CDH2: variants seen among roughly 807,000 people sequenced by gnomAD.
CDH2 encodes the protein cadherin 2.
In CDH2, 17 loss-of-function variants were observed where a neutral mutation model predicts 92.0. The ratio of observed to expected loss-of-function variants is 0.18; its 90% confidence interval spans 0.13 to 0.28. The LOEUF (loss-of-function observed/expected upper bound fraction) is 0.28, where lower values mean the gene tolerates loss of function less well. CDH2 is among the 10% of genes least tolerant of loss of function. The pLI is 1.00. For missense variants in CDH2, 862 were observed against 1,133.1 expected (o/e 0.76, Z 3.44); for synonymous variants, 419 against 415.9 (o/e 1.01, Z -0.09).
At chr18:27,945,023 C>T (rs999093281) in intron 6 of CDH2, among the ~76,000 whole-genome samples, 2 of 152,214 alleles carry the variant, frequency 1.3e-5, no homozygotes, top group Admixed American at 6.5e-5. Context: ...ATTTGTTGTA[C>T]TAGAAATTGA....
chr18:27,990,093 A>T lies in CDH2; in HGVS notation c.1598+4T>A. The T allele has an allele frequency of 6.2e-7, 1 of 1,612,588 alleles. No individual in the cohort carries two copies. The highest frequency in any genetic ancestry group is 1.1e-5 in the South Asian group (1 of 91,036). On this transcript the variant is annotated splice_donor_region_variant and intron_variant, in intron 10 of 15. Transcript: ENST00000269141. ...ACAAAAACACTACAAACAGCATTTC[A>T]TACCTAATATTTTGCTGCATATATC...
At chr18:28,020,377 T>C (rs1037367335) in intron 2 of CDH2, among the ~76,000 whole-genome samples, 1 of 152,092 alleles carries the variant, frequency 6.6e-6, no homozygotes, top group African/African-American at 2.4e-5. Flanking sequence ...AAATAGTACA[T>C]AGAAACGATG....
At chr18:28,112,861 T>A (rs1380114268) in intron 2 of CDH2, among the ~76,000 whole-genome samples, 1 of 152,142 alleles carries the variant, frequency 6.6e-6, no homozygotes, top group Non-Finnish European at 1.5e-5. Context: ...TGCAAGAGTG[T>A]ATCCTAATTC....
intron 14 of CDH2, among the ~76,000 whole-genome samples, chr18:27,978,482 G>A (rs1020982763): frequency 3.9e-5 from 6 of 152,000 alleles, no homozygotes; most frequent in Non-Finnish European, 7.4e-5. Context: ...AAGGGGTGCT[G>A]GATATTCATA....
At chr18:28,049,055 T>C (rs1278413751) in intron 2 of CDH2, among the ~76,000 whole-genome samples, 4 of 152,140 alleles carry the variant, frequency 2.6e-5, no homozygotes, top group Non-Finnish European at 5.9e-5. Flanking sequence ...CTCCCAGTTA[T>C]TGTACATTTG....
chr18:27,972,293 T>C (rs1045536395), intron 14 of CDH2, among the ~76,000 whole-genome samples: 4 of 152,218 alleles, frequency 2.6e-5, no homozygotes, highest in Admixed American at 1.3e-4. Context: ...TTACCAGTGG[T>C]CATCTAATAA....
chr18:27,988,685 G>A lies in CDH2; in HGVS notation c.1599-19C>T. 6.4e-7 allele frequency: 1 copy of A among 1,555,158 alleles called. No individual in the cohort carries two copies. Among genetic ancestry groups the A allele is most frequent in the Non-Finnish European group, 8.8e-7 (1 of 1,133,732 alleles). On this transcript the variant is annotated intron_variant, in intron 10 of 15. Transcript: ENST00000269141. ...AGTGTATCTACAAAATGAAAGTGAA[G>A]TTTAATTTCTTTTTATGAAACTTTA...
rs778402718 is a variant in CDH2 at position 27,983,030 on chromosome 18, C to T, written c.2263G>A (p.Ala755Thr). The change falls in exon 14 of 16, where the codon GCC becomes ACC. Residue 755 changes from alanine (A) to threonine (T), a missense_variant. Ala to Thr is a moderately conservative substitution (Grantham distance 58). Transcript: ENST00000269141. Reference sequence around the variant, plus strand: ...TCTGGATCAATTAAAAGTTGTTTGGCCTGGCGTTCTTTATCCCGGCGTTTC... The same window carrying T: ...TCTGGATCAATTAAAAGTTGTTTGGTCTGGCGTTCTTTATCCCGGCGTTTC... ...WMKRRDKERQ[A>T]KQLLIDPEDD... 2 of 1,612,520 alleles carry T rather than the reference C, an allele frequency of 1.2e-6. No individual in the cohort carries two copies. Among genetic ancestry groups the T allele is most frequent in the East Asian group, 2.2e-5 (1 of 44,846 alleles).
At chr18:27,939,067 G>T (rs1443890802) in intron 6 of CDH2, among the ~76,000 whole-genome samples, 1 of 152,110 alleles carries the variant, frequency 6.6e-6, no homozygotes, top group Non-Finnish European at 1.5e-5. Flanking sequence ...CTTTCTTCCT[G>T]TGTGTTTTTG....
At chr18:28,173,757 A>G (rs960651848) in intron 1 of CDH2, among the ~76,000 whole-genome samples, 1 of 152,194 alleles carries the variant, frequency 6.6e-6, no homozygotes, top group Admixed American at 6.5e-5. Context: ...GTGAACTAGA[A>G]AAACAACACA....
intron 1 of CDH2, among the ~76,000 whole-genome samples, chr18:28,154,620 T>C (rs1312292675): frequency 4.6e-5 from 7 of 152,220 alleles, no homozygotes; most frequent in Admixed American, 4.6e-4. Context: ...ACGGTCTCAA[T>C]GCTGTGAGCT....
rs17521791 is a variant in CDH2, at chr18:27,933,922, A to G, written c.1152-798T>C. Among the ~76,000 whole-genome samples the G allele has an allele frequency of 1.7e-3, 255 of 152,354 alleles. 1 individual carries two copies. The highest frequency in any genetic ancestry group is 5.8e-3 in the African/African-American group (241 of 41,582). ...TTAGCAAATGGTGATAATTTTAGGT[A>G]GCTTTGATTGAAGAGCTTATTTGAG... On this transcript the variant is annotated intron_variant, in intron 6 of 6. Coordinates refer to the CDH2 transcript ENST00000675173.
At chr18:28,096,698 C>T (rs534966187) in intron 2 of CDH2, among the ~76,000 whole-genome samples, 54 of 152,106 alleles carry the variant, frequency 3.6e-4, no homozygotes, top group Non-Finnish European at 7.5e-4. Flanking sequence ...TGTATTGACA[C>T]AATCTAATAT....
At chr18:28,012,347 C>T (rs144485596) in intron 3 of CDH2, among the ~76,000 whole-genome samples, 34 of 152,212 alleles carry the variant, frequency 2.2e-4, no homozygotes, top group African/African-American at 8.2e-4. Flanking sequence ...AGGTAATGTG[C>T]TACTGTACAT....
At chr18:28,094,520 T>C (rs916376581) in intron 2 of CDH2, among the ~76,000 whole-genome samples, 4 of 150,114 alleles carry the variant, frequency 2.7e-5, no homozygotes, top group East Asian at 2.0e-4. Context: ...AAAAGCCAGG[T>C]GCGGTGGCTC....
rs575662509 is a variant in CDH2, at chr18:28,027,849, T to C, written c.173-13940A>G. On this transcript the variant is annotated intron_variant, in intron 2 of 15. Coordinates refer to ENST00000269141, the MANE Select transcript of CDH2 (RefSeq NM_001792.5). The stretch of plus-strand genomic sequence containing the variant: ...AGTGCTTAGGCAGTTTTGTTTTGTT[T>C]TTTTTTTTTGCAGAATGTACCCATT... Among the ~76,000 whole-genome samples the C allele has an allele frequency of 5.5e-4, 83 of 151,034 alleles. 2 individuals are homozygous for C. The South Asian group carries it at 0.014, about 26-fold the overall frequency.
chr18:28,048,203 A>G (rs2014119453), intron 2 of CDH2, among the ~76,000 whole-genome samples: 1 of 152,138 alleles, frequency 6.6e-6, no homozygotes, highest in Non-Finnish European at 1.5e-5. Flanking sequence ...GAGGTTAAGC[A>G]ATTTATCAGA....
chr18:28,161,580 G>GAAA (rs35615619), intron 1 of CDH2, among the ~76,000 whole-genome samples: 3 of 49,778 alleles, frequency 6.0e-5, no homozygotes, highest in Non-Finnish European at 8.0e-5. Flanking sequence ...ACCCTGTCTC[G>GAAA]AAAAAAAAAA....
At chr18:28,101,849 A>G (rs763781955) in intron 2 of CDH2, among the ~76,000 whole-genome samples, 3 of 152,116 alleles carry the variant, frequency 2.0e-5, no homozygotes, top group Non-Finnish European at 4.4e-5. Flanking sequence ...ACTTCACCCT[A>G]CAAACACACC....
Sources: gnomAD v4.1 joint callset for allele counts (sites outside exome capture counted in the v4.1 genomes callset) on GRCh38, gnomAD v4.1.1 for gene constraint, MANE v1.5 for transcripts, NCBI Gene and HGNC (gene_info 2026-07-23, HGNC 2026-07-21) for gene names.